The following IFT81 variants were observed in gnomAD, a reference collection of about 807,000 sequenced individuals.
IFT81 encodes the protein intraflagellar transport protein 81 homolog.
Under a neutral mutation model 102.6 loss-of-function variants are expected in IFT81, and 72 were observed. The ratio of observed to expected loss-of-function variants is 0.70; its 90% CI spans 0.58 to 0.85. IFT81 has a LOEUF of 0.85. Among genes scored for constraint, IFT81 ranks in the 40% least tolerant of loss-of-function variants. The probability of loss-of-function intolerance (pLI) is 0.00; values close to 1 mark genes in which losing one functional copy is unlikely to be tolerated. For synonymous variants in IFT81, 237 were observed against 242.7 expected, an observed-to-expected ratio of 0.98 and a Z score of 0.22; for missense variants, 723 against 787.3, an observed-to-expected ratio of 0.92 and a Z score of 0.98.
chr12:110,147,552 C>T (rs909758860), intron 10 of IFT81, among the ~76,000 whole-genome samples: 1 of 152,146 alleles, frequency 6.6e-6, no homozygotes, highest in African/African-American at 2.4e-5. Flanking sequence ...AAATGAAGGC[C>T]ATGGCTTATC....
intron 14 of IFT81, among the ~76,000 whole-genome samples, chr12:110,197,388 A>G (rs1593363429): frequency 1.4e-5 from 2 of 147,752 alleles, no homozygotes; most frequent in Non-Finnish European, 3.0e-5. Context: ...TAATTTTTGA[A>G]GCATTTGAAT....
chr12:110,203,967 T>G lies in IFT81; in HGVS notation c.1644+17T>G, dbSNP rs1366703239. 1.3e-6 allele frequency: 2 copies of G among 1,568,470 alleles called. No homozygotes were observed. The highest frequency in any genetic ancestry group is 8.7e-7 in the Non-Finnish European group (1 of 1,145,490). On this transcript the variant is annotated intron_variant, in intron 15 of 18. Coordinates refer to ENST00000242591, the MANE Select transcript of IFT81 (RefSeq NM_014055.4). ...TTAGAACAGGTAAGAAGAGAGTTTTTATTTTAACAATTTAGCAAAAACTAC... is the reference window on the plus strand; with the variant it reads ...TTAGAACAGGTAAGAAGAGAGTTTTGATTTTAACAATTTAGCAAAAACTAC...
chr12:110,179,765 T>TAC (rs1428284986), intron 11 of IFT81, among the ~76,000 whole-genome samples: 35 of 69,184 alleles, frequency 5.1e-4, no homozygotes, highest in Middle Eastern at 7.0e-3. Context: ...TATATATATA[T>TAC]ATATATATAC....
chr12:110,194,106 T>C (rs751833855), intron 14 of IFT81, among the ~76,000 whole-genome samples: 1 of 152,102 alleles, frequency 6.6e-6, no homozygotes, highest in Non-Finnish European at 1.5e-5. Flanking sequence ...CTCACTATCA[T>C]GAAAACAGCA....
At chr12:110,128,871 G>A in intron 3 of IFT81, 79 bp from the exon 4 acceptor site, 1 of 1,019,232 alleles carries the variant, frequency 9.8e-7, no homozygotes, top group Non-Finnish European at 1.4e-6. Context: ...TTGTAAATCA[G>A]ATTTTGAGAA....
intron 11 of IFT81, chr12:110,168,604 A>T (rs1896566104): frequency 4.1e-6 from 1 of 246,792 alleles, no homozygotes; most frequent in African/African-American, 2.3e-5. Context: ...TTTAAGAGAC[A>T]ATCATGCCAG....
rs191391813 is a variant in IFT81 at position 110,144,116 on chromosome 12, G to T, written c.945+571G>T. On this transcript the variant is annotated intron_variant, in intron 9 of 18. Coordinates refer to ENST00000242591, the MANE Select transcript of IFT81 (RefSeq NM_014055.4). The stretch of plus-strand genomic sequence containing the variant: ...CAACCTCTGCCTCCTGGGTTCAAGT[G>T]ATTATCCAGCCTCAGCCTCCCAACT... Among the ~76,000 whole-genome samples the T allele has an allele frequency of 4.4e-4, 66 of 149,488 alleles. No homozygotes were observed. In the East Asian group the frequency reaches 0.012, roughly 28 times the overall value.
chr12:110,155,672 A>G (rs1197220975), intron 10 of IFT81, among the ~76,000 whole-genome samples: 1 of 152,152 alleles, frequency 6.6e-6, no homozygotes, highest in African/African-American at 2.4e-5. Context: ...TAATCAATCT[A>G]TTTATATTTA....
chr12:110,207,017 ATC>A (rs1189363868), intron 17 of IFT81, among the ~76,000 whole-genome samples: 1 of 152,108 alleles, frequency 6.6e-6, no homozygotes, highest in East Asian at 1.9e-4. Flanking sequence ...TCATTTTCTG[ATC>A]TGTCTTCTAG....
chr12:110,146,058 C>T (rs572878855), intron 9 of IFT81, among the ~76,000 whole-genome samples: 6 of 152,078 alleles, frequency 3.9e-5, no homozygotes, highest in African/African-American at 1.2e-4. Flanking sequence ...ATGATGCACC[C>T]GCCTCAGCCT....
chr12:110,127,534 T>A lies in IFT81; in HGVS notation c.144+10T>A. On this transcript the variant is annotated intron_variant, in intron 2 of 18. Coordinates refer to ENST00000242591, the MANE Select transcript of IFT81 (RefSeq NM_014055.4). ...TGAGATTGACCCAAAGGTAAGAGTTTTCTCTTTCTTTTTGATGGGTAGCAG... is the reference window on the plus strand; with the variant it reads ...TGAGATTGACCCAAAGGTAAGAGTTATCTCTTTCTTTTTGATGGGTAGCAG... 1 of 1,578,642 alleles carries A rather than the reference T, an allele frequency of 6.3e-7. No individual in the cohort carries two copies. Among genetic ancestry groups the A allele is most frequent in the Non-Finnish European group, 8.6e-7 (1 of 1,168,322 alleles).
chr12:110,192,656 G>A lies in IFT81; in HGVS notation c.1507G>A (p.Ala503Thr). The change falls in exon 14 of 19, where the codon GCT (alanine) becomes ACT (threonine). Residue 503 changes from alanine to threonine, a missense_variant. Coordinates refer to ENST00000242591, the MANE Select transcript of IFT81 (RefSeq NM_014055.4). ...LYSLVSEKKS[A>T]LASVIKELRQ... ...TTCATTGGTATCTGAAAAGAAGTCA[G>A]CTCTTGCCTCAGTTATAAAAGAGCT... The A allele has an allele frequency of 6.3e-7, 1 of 1,591,200 alleles. No homozygotes were observed. Among genetic ancestry groups the A allele is most frequent in the Non-Finnish European group, 8.6e-7 (1 of 1,169,206 alleles).
intron 10 of IFT81, 114 bp from the exon 11 acceptor site, chr12:110,162,804 GC>G (rs1398167156): frequency 1.2e-6 from 1 of 850,114 alleles, no homozygotes; most frequent in African/African-American, 1.7e-5. Flanking sequence ...GTTAAGAGAG[GC>G]CAAGCTGATA....
At chr12:110,173,378 G>T (rs1380011327) in intron 11 of IFT81, among the ~76,000 whole-genome samples, 1 of 147,388 alleles carries the variant, frequency 6.8e-6, no homozygotes, top group African/African-American at 2.5e-5. Context: ...CGCCTCGTCC[G>T]GGAGGTGAGG....
intron 18 of IFT81, among the ~76,000 whole-genome samples, chr12:110,216,326 A>G (rs965405578): frequency 4.6e-5 from 7 of 151,638 alleles, no homozygotes; most frequent in Non-Finnish European, 1.0e-4. Flanking sequence ...ACTAGCTAGG[A>G]CTACAGGCAT....
intron 11 of IFT81, among the ~76,000 whole-genome samples, chr12:110,171,654 A>AT (rs1472097856): frequency 1.3e-5 from 2 of 152,344 alleles, no homozygotes; most frequent in African/African-American, 2.4e-5. Flanking sequence ...ATGATGCGTG[A>AT]TTTTAAAAGA....
In IFT81 at chr12:110,186,603, T is replaced by G. The variant is rs1158580145; in HGVS notation, c.1339-4317T>G. On this transcript the variant is annotated intron_variant, in intron 12 of 18. Coordinates refer to ENST00000242591, the MANE Select transcript of IFT81 (RefSeq NM_014055.4). ...ATCTCGGCTCATTGCAGCCTCTACT[T>G]CCTGGGCTCAGGCGATTCTCCCACC... Among the ~76,000 whole-genome samples the G allele has an allele frequency of 1.5e-4, 22 of 151,502 alleles. No individual in the cohort carries two copies. The East Asian group carries it at 4.1e-3, about 28-fold the overall frequency.
At chr12:110,201,599 T>TTTTATTTA (rs551774743) in intron 14 of IFT81, among the ~76,000 whole-genome samples, 20 of 151,240 alleles carry the variant, frequency 1.3e-4, no homozygotes, top group African/African-American at 4.4e-4. Flanking sequence ...TCTGGCTAAT[T>TTTTATTTA]TTTATTTATT....
chr12:110,205,180 G>A, intron 15 of IFT81: 1 of 227,394 alleles, frequency 4.4e-6, no homozygotes. Context: ...GTTGCAGTGA[G>A]CCAAGACTGC....
Sources: allele counts gnomAD v4.1 joint callset (sites outside exome capture counted in the v4.1 genomes callset), GRCh38; gene constraint gnomAD v4.1.1; transcripts MANE v1.5; gene names NCBI Gene and HGNC (gene_info 2026-07-23, HGNC 2026-07-21).